The following GKAP1 variants were observed in gnomAD, a reference collection of about 807,000 sequenced individuals.
GKAP1 encodes G kinase anchoring protein 1.
Under a neutral mutation model 56.7 loss-of-function variants are expected in GKAP1, and 31 were observed. The ratio of observed to expected loss-of-function variants is 0.55; its 90% CI spans 0.41 to 0.74. GKAP1 has a LOEUF of 0.74. GKAP1 is among the 30% of genes least tolerant of loss of function. The pLI is 0.00. For missense variants in GKAP1, 364 were observed against 402.3 expected (o/e 0.90, Z 0.82); for synonymous variants, 151 against 138.6 (o/e 1.09, Z -0.63).
chr9:83,753,745 G>A (rs7047907), intron 8 of GKAP1, among the ~76,000 whole-genome samples: 104,653 of 151,966 alleles, frequency 0.69, 36,668 homozygotes, highest in Admixed American at 0.79. Flanking sequence ...GCTTTTCACT[G>A]TATTAGCAAT....
intron 2 of GKAP1, among the ~76,000 whole-genome samples, chr9:83,814,247 C>T (rs1375535433): frequency 6.6e-6 from 1 of 152,202 alleles, no homozygotes; most frequent in Admixed American, 6.5e-5. Context: ...AACCCTCTTT[C>T]TTCAGATTTT....
Position 83,739,482 on chromosome 9 carries a change from A to G in GKAP1, c.*215T>C. ...AAAACTAAAGTGATAAGAAGTATGG[A>G]TAGTAGACAACCACTGAATTCTGCT... On this transcript the variant is annotated 3_prime_UTR_variant, in exon 13 of 13. Coordinates refer to ENST00000376371, the MANE Select transcript of GKAP1 (RefSeq NM_025211.4). 2.4e-6 allele frequency: 1 copy of G among 409,246 alleles called. No individual in the cohort carries two copies. Among genetic ancestry groups the G allele is most frequent in the Admixed American group, 4.0e-5 (1 of 25,172 alleles). 25.4% of individuals were successfully genotyped at this position (409,246 alleles called of 1,614,324 possible).
chr9:83,778,586 T>C (rs1943900649), intron 7 of GKAP1, among the ~76,000 whole-genome samples: 1 of 152,080 alleles, frequency 6.6e-6, no homozygotes. Flanking sequence ...GAAAAATAAC[T>C]AATGGGTACT....
At chr9:83,808,002 CAGTA>C (rs1415830222) in intron 2 of GKAP1, among the ~76,000 whole-genome samples, 1 of 152,152 alleles carries the variant, frequency 6.6e-6, no homozygotes, top group Non-Finnish European at 1.5e-5. Flanking sequence ...AGAAAAATCA[CAGTA>C]AGAACTGATG....
At chr9:83,780,183 C>G (rs1278027249) in intron 7 of GKAP1, among the ~76,000 whole-genome samples, 199 bp downstream of exon 7, 1 of 151,876 alleles carries the variant, frequency 6.6e-6, no homozygotes, top group Non-Finnish European at 1.5e-5. Flanking sequence ...ATGCTTCATG[C>G]AAATAATCTT....
At position 83,742,033 on chromosome 9, in the gene GKAP1, T is replaced by C. The variant is rs2131222096; in HGVS notation, c.976-4A>G. 4 of 1,572,156 alleles carry C rather than the reference T, an allele frequency of 2.5e-6. No individual in the cohort carries two copies. The highest frequency in any genetic ancestry group is 3.5e-6 in the Non-Finnish European group (4 of 1,157,270). On this transcript the variant is annotated splice_region_variant and splice_polypyrimidine_tract_variant and intron_variant, in intron 11 of 12. Coordinates refer to ENST00000376371, the MANE Select transcript of GKAP1 (RefSeq NM_025211.4). ...ATGCAGCATGAAGTGAAGTCACCTA[T>C]AACCAAATATTCAATAAGAAAAAGA...
rs770846321 is a variant in GKAP1, at chr9:83,759,539, T to C, written c.739-6180A>G. Among the ~76,000 whole-genome samples the C allele has an allele frequency of 9.5e-4, 145 of 152,332 alleles. 1 individual carries two copies. The highest frequency in any genetic ancestry group is 6.8e-3 in the Middle Eastern group (2 of 294). The stretch of plus-strand genomic sequence containing the variant: ...ATGCTATGCTCTTGATATGCATCCA[T>C]GTTGCTATGTATAACTACAACTTAT... On this transcript the variant is annotated intron_variant, in intron 8 of 12. Coordinates refer to ENST00000376371, the MANE Select transcript of GKAP1 (RefSeq NM_025211.4).
At position 83,750,836 on chromosome 9, in the gene GKAP1, T is replaced by G. The variant is rs990095186; in HGVS notation, c.840+2422A>C. Among the ~76,000 whole-genome samples the G allele has an allele frequency of 4.6e-5, 7 of 152,170 alleles. 1 individual carries two copies. The highest frequency in any genetic ancestry group is 1.3e-4 in the Admixed American group (2 of 15,260). On this transcript the variant is annotated intron_variant, in intron 9 of 12. Transcript: ENST00000376371. ...AAAGATTTTTAATGCCCTCTCTATT[T>G]TATTTCATTTATTTTTTCGAGATGG...
chr9:83,795,721 T>C (rs948887623), intron 4 of GKAP1, among the ~76,000 whole-genome samples: 4 of 151,880 alleles, frequency 2.6e-5, no homozygotes, highest in Admixed American at 6.6e-5. Flanking sequence ...CAGTGAATTT[T>C]TGCATTTTTT....
chr9:83,762,128 G>C (rs1247331808), intron 8 of GKAP1, among the ~76,000 whole-genome samples: 1 of 152,120 alleles, frequency 6.6e-6, no homozygotes, highest in African/African-American at 2.4e-5. Flanking sequence ...CTTGTCTGCA[G>C]ATGGTATCAC....
chr9:83,770,394 A>G (rs1292203325), intron 7 of GKAP1, among the ~76,000 whole-genome samples: 3 of 152,196 alleles, frequency 2.0e-5, no homozygotes, highest in Non-Finnish European at 4.4e-5. Context: ...TCATGTGTTG[A>G]GAAGATTATT....
intron 8 of GKAP1, among the ~76,000 whole-genome samples, chr9:83,755,289 A>C (rs999188294): frequency 7.2e-5 from 11 of 152,222 alleles, no homozygotes; most frequent in Middle Eastern, 3.2e-3. Context: ...CAAAAACTGA[A>C]AACTAAGTCA....
chr9:83,791,865 G>T (rs577268599), intron 4 of GKAP1, among the ~76,000 whole-genome samples: 7 of 152,162 alleles, frequency 4.6e-5, no homozygotes, highest in Admixed American at 4.6e-4. Context: ...TTTTAAGTTG[G>T]TATTTAAATA....
At chr9:83,809,991 T>A (rs1012083815) in intron 2 of GKAP1, among the ~76,000 whole-genome samples, 12 of 152,134 alleles carry the variant, frequency 7.9e-5, no homozygotes, top group Non-Finnish European at 1.5e-4. Context: ...CTATTTTTTT[T>A]ATAGAGATGG....
intron 2 of GKAP1, among the ~76,000 whole-genome samples, chr9:83,815,263 C>A (rs1410509919): frequency 6.6e-6 from 1 of 151,964 alleles, no homozygotes; most frequent in Admixed American, 6.6e-5. Flanking sequence ...GCCTAAGCTA[C>A]AAGCAGGAGA....
intron 7 of GKAP1, among the ~76,000 whole-genome samples, chr9:83,771,628 T>C (rs943131149): frequency 2.6e-5 from 4 of 152,318 alleles, no homozygotes; most frequent in African/African-American, 9.6e-5. Context: ...GAGAAGTTGA[T>C]GAGCAAGTAT....
At chr9:83,770,851 C>A (rs997648067) in intron 7 of GKAP1, among the ~76,000 whole-genome samples, 1 of 151,864 alleles carries the variant, frequency 6.6e-6, no homozygotes, top group Non-Finnish European at 1.5e-5. Flanking sequence ...TGAGACACTG[C>A]GTCCGGCGTT....
intron 8 of GKAP1, among the ~76,000 whole-genome samples, chr9:83,762,934 T>C (rs1299721077): frequency 2.6e-5 from 4 of 152,202 alleles, no homozygotes. Flanking sequence ...ACAATCCTGC[T>C]GGGTATATAC....
At chr9:83,791,513 A>G (rs1243791164) in intron 4 of GKAP1, among the ~76,000 whole-genome samples, 1 of 152,258 alleles carries the variant, frequency 6.6e-6, no homozygotes, top group Non-Finnish European at 1.5e-5. Context: ...TTTAATTGTT[A>G]ACACAAACTA....
Sources: allele counts gnomAD v4.1 joint callset (sites outside exome capture counted in the v4.1 genomes callset), GRCh38; gene constraint gnomAD v4.1.1; transcripts MANE v1.5; gene names NCBI Gene and HGNC (gene_info 2026-07-23, HGNC 2026-07-21).